Variants in NWD2 observed in about 807,000 individuals in gnomAD.
NWD2 encodes NACHT and WD repeat domain containing 2, also known as NACHT and WD repeat domain-containing protein 2.
NWD2 carries 37 observed loss-of-function variants against 132.7 expected under a neutral mutation model. That is an observed-to-expected ratio of 0.28 (90% CI 0.21 to 0.37). NWD2 has a LOEUF of 0.37. Ranked by LOEUF, NWD2 falls within the 10% of genes least tolerant of loss-of-function variation. The pLI is 1.00. For missense variants in NWD2, 1,592 were observed against 2,122.4 expected, an observed-to-expected ratio of 0.75 and a Z score of 4.91; for synonymous variants, 705 against 803.0, an observed-to-expected ratio of 0.88 and a Z score of 2.06.
chr4:37,276,907 T>G (rs1433821020), intron 1 of NWD2, among the ~76,000 whole-genome samples: 1 of 151,776 alleles, frequency 6.6e-6, no homozygotes, highest in Non-Finnish European at 1.5e-5. Context: ...CACCACATCT[T>G]CTCACTCATA....
intron 2 of NWD2, among the ~76,000 whole-genome samples, chr4:37,348,675 T>TATATATATATATATATATAC (rs1308407988): frequency 4.4e-5 from 1 of 22,572 alleles, no homozygotes; most frequent in Non-Finnish European, 7.6e-5. Flanking sequence ...TATATATATA[T>TATATATATATATATATATAC]ACACACACAC....
intron 3 of NWD2, among the ~76,000 whole-genome samples, chr4:37,418,835 C>T (rs1711712867): frequency 3.9e-5 from 6 of 152,046 alleles, no homozygotes; most frequent in Admixed American, 3.9e-4. Flanking sequence ...CTGTTGTTTT[C>T]TGACTTTTTA....
intron 6 of NWD2, among the ~76,000 whole-genome samples, chr4:37,440,491 C>T (rs1712452361): frequency 6.6e-6 from 1 of 152,094 alleles, no homozygotes; most frequent in South Asian, 2.1e-4. Context: ...GTACCAGATG[C>T]CTGTATCCCC....
At chr4:37,385,816 G>C (rs538299922) in intron 3 of NWD2, among the ~76,000 whole-genome samples, 2 of 152,232 alleles carry the variant, frequency 1.3e-5, no homozygotes, top group African/African-American at 4.8e-5. Context: ...GATGGATTTG[G>C]GGTATTATTG....
At chr4:37,380,260 T>C (rs1443998820) in intron 3 of NWD2, among the ~76,000 whole-genome samples, 2 of 152,212 alleles carry the variant, frequency 1.3e-5, no homozygotes, top group African/African-American at 4.8e-5. Context: ...ACTCTTAACC[T>C]ACCTAGGATT....
Position 37,332,145 on chromosome 4 carries a change from G to A in NWD2, c.240+6121G>A, listed in dbSNP as rs543493156. 3.0e-4 allele frequency among the ~76,000 whole-genome samples: 46 copies of A among 152,262 alleles called. 1 individual carries two copies. The South Asian group carries it at 9.5e-3, about 32-fold the overall frequency. ...AACTACTAGGCAAGTCCTGGTGCTG[G>A]GCTGGGCTTGGCACCAGTGGACTTG... On this transcript the variant is annotated intron_variant, in intron 2 of 6. Transcript: ENST00000309447.
chr4:37,244,944 G>A lies in NWD2; in HGVS notation c.-124G>A. On this transcript the variant is annotated 5_prime_UTR_variant, in exon 1 of 7. Transcript: ENST00000309447. The surrounding 1 kb of genome is among the most constrained non-coding windows in gnomAD (Gnocchi z 5.5). ...TCGCCAAAGGCGCTTCGGGCTCGGA[G>A]CGGCTCTGAGCCGCGCCGCCTGCTG... 2.3e-6 allele frequency: 3 copies of A among 1,316,506 alleles called. No individual in the cohort carries two copies. Among genetic ancestry groups the A allele is most frequent in the Non-Finnish European group, 3.0e-6 (3 of 984,156 alleles). The allele number at this position is 1,316,506 out of a possible 1,614,324, so 81.6% of individuals were successfully genotyped here.
intron 1 of NWD2, among the ~76,000 whole-genome samples, chr4:37,257,987 ATTAT>A (rs988244312): frequency 1.3e-5 from 2 of 152,256 alleles, no homozygotes; most frequent in Non-Finnish European, 2.9e-5. Context: ...ATAGTAAAAA[ATTAT>A]TTCTTTCACT....
At chr4:37,267,107 G>A (rs1717768435) in intron 1 of NWD2, among the ~76,000 whole-genome samples, 1 of 151,920 alleles carries the variant, frequency 6.6e-6, no homozygotes, top group Admixed American at 6.6e-5. Context: ...AAGGGAAGAA[G>A]GAGAAACAGA....
chr4:37,268,589 C>T (rs1202001632), intron 1 of NWD2, among the ~76,000 whole-genome samples: 1 of 151,624 alleles, frequency 6.6e-6, no homozygotes, highest in African/African-American at 2.4e-5. Flanking sequence ...GTTGATAAGA[C>T]AATTATAAAT....
At chr4:37,289,905 G>A (rs1167612315) in intron 1 of NWD2, among the ~76,000 whole-genome samples, 1 of 151,470 alleles carries the variant, frequency 6.6e-6, no homozygotes. Flanking sequence ...TTCCGGAGTT[G>A]TTGGTTAGAT....
rs1720981745 is a variant in NWD2, at chr4:37,405,442, AAT to A, written c.358-25128_358-25127del. Among the ~76,000 whole-genome samples, 7 of 78,820 alleles carry A rather than the reference AAT, an allele frequency of 8.9e-5. No individual in the cohort carries two copies. The Admixed American group carries it at 1.1e-3, about 13-fold the overall frequency. The allele number at this position is 78,820 out of a possible 152,430, so 51.7% of individuals were successfully genotyped here. A position where few individuals can be genotyped will look rare whatever the true frequency, so the allele number is the denominator to read the frequency against. Reference sequence around the variant, plus strand: ...AATGTAATAGAATAGAATAGAATAGAATAGAATAGAATAGAATAGAATAGAAT... The same window carrying A: ...AATGTAATAGAATAGAATAGAATAGAAGAATAGAATAGAATAGAATAGAAT... On this transcript the variant is annotated intron_variant, in intron 3 of 6. Transcript: ENST00000309447.
intron 1 of NWD2, among the ~76,000 whole-genome samples, chr4:37,296,157 T>A (rs1198006652): frequency 6.6e-6 from 1 of 152,204 alleles, no homozygotes; most frequent in Non-Finnish European, 1.5e-5. Flanking sequence ...TAAAATAGAT[T>A]TCACCATTTC....
In NWD2 at chr4:37,438,896, C is replaced by T. The variant is rs1045258902; in HGVS notation, c.802C>T (p.Arg268Cys). Reference sequence around the variant, plus strand: ...CATTAGGAAAATTGCTAACATTGAGCGCTTTGTGAAAATCCCAGAGATGGG... The same window carrying T: ...CATTAGGAAAATTGCTAACATTGAGTGCTTTGTGAAAATCCCAGAGATGGG... The part of the protein sequence containing the change: ...CYIRKIANIE[R>C]FVKIPEMGKY... Residue 268 changes from arginine to cysteine, a missense_variant, in exon 6 of 7, where the codon CGC (arginine) becomes TGC (cysteine). By Grantham distance (180) the Arg-to-Cys change is radical. Coordinates refer to ENST00000309447, the MANE Select transcript of NWD2 (RefSeq NM_001144990.2). 1.5e-5 allele frequency: 24 copies of T among 1,551,830 alleles called. No homozygotes were observed. The highest frequency in any genetic ancestry group is 2.4e-5 in the South Asian group (2 of 84,052).
intron 1 of NWD2, among the ~76,000 whole-genome samples, chr4:37,300,629 C>T (rs570978728): frequency 6.6e-6 from 1 of 152,076 alleles, no homozygotes; most frequent in South Asian, 2.1e-4. Flanking sequence ...GAAAGAGAAA[C>T]ATCTTGTTTT....
intron 2 of NWD2, among the ~76,000 whole-genome samples, chr4:37,336,617 A>T (rs551429479): frequency 2.6e-5 from 4 of 152,326 alleles, no homozygotes; most frequent in South Asian, 2.1e-4. Context: ...AATATATATA[A>T]AAATTAAAAA....
At chr4:37,339,661 G>A (rs918040824) in intron 2 of NWD2, among the ~76,000 whole-genome samples, 2 of 152,204 alleles carry the variant, frequency 1.3e-5, no homozygotes, top group Admixed American at 1.3e-4. Context: ...TTCTGAGCAC[G>A]TGGCAGCTAT....
chr4:37,327,389 G>A (rs1719195431), intron 2 of NWD2, among the ~76,000 whole-genome samples: 1 of 152,132 alleles, frequency 6.6e-6, no homozygotes, highest in Non-Finnish European at 1.5e-5. Context: ...AAGGAAAACT[G>A]TACTAGGCGA....
At chr4:37,258,918 C>G (rs1397222081) in intron 1 of NWD2, among the ~76,000 whole-genome samples, 2 of 152,280 alleles carry the variant, frequency 1.3e-5, no homozygotes, top group East Asian at 1.9e-4. Context: ...GCTGATATCA[C>G]AAGTAGGATC....
Sources: allele counts gnomAD v4.1 joint callset (sites outside exome capture counted in the v4.1 genomes callset), GRCh38; gene constraint gnomAD v4.1.1; non-coding constraint Gnocchi (gnomAD v3.1); transcripts MANE v1.5; gene names NCBI Gene and HGNC (gene_info 2026-07-23, HGNC 2026-07-21).